The following NRXN3 variants were observed in gnomAD, a reference collection of about 807,000 sequenced individuals.
The protein encoded by NRXN3 is neurexin III.
NRXN3 carries 32 observed loss-of-function variants against 137.6 expected under a neutral mutation model. That is an observed-to-expected ratio of 0.23 (90% CI 0.18 to 0.31). The LOEUF (loss-of-function observed/expected upper bound fraction) is 0.31. NRXN3 is among the 10% of genes least tolerant of loss of function. The probability of loss-of-function intolerance (pLI) is 1.00; values close to 1 mark genes in which losing one functional copy is unlikely to be tolerated. For missense variants in NRXN3, 1,574 were observed against 2,062.5 expected, an observed-to-expected ratio of 0.76 and a Z score of 4.59; for synonymous variants, 798 against 784.5, an observed-to-expected ratio of 1.02 and a Z score of -0.29.
chr14:78,170,464 C>T lies in NRXN3; in HGVS notation c.-914C>T, dbSNP rs1033017474. 2 of 152,378 alleles carry T rather than the reference C, an allele frequency of 1.3e-5. No homozygotes were observed. Among genetic ancestry groups the T allele is most frequent in the East Asian group, 3.9e-4 (2 of 5,148 alleles). The allele number at this position is 152,378 out of a possible 1,614,324, so 9.4% of individuals were successfully genotyped here. A position where few individuals can be genotyped will look rare whatever the true frequency, so the allele number is the denominator to read the frequency against. ...AACCTGTCCTCCCCTCTCTCAGCCT[C>T]GGCATCTCCAGCCACCAAGGACCTG... On this transcript the variant is annotated 5_prime_UTR_variant, in exon 1 of 21. Transcript: ENST00000335750.
At chr14:79,348,763 G>A (rs2093039923) in intron 15 of NRXN3, among the ~76,000 whole-genome samples, 1 of 152,184 alleles carries the variant, frequency 6.6e-6, no homozygotes, top group African/African-American at 2.4e-5. Context: ...GGAAGTGATT[G>A]TAACTTTTGG....
intron 15 of NRXN3, among the ~76,000 whole-genome samples, chr14:79,415,624 T>C (rs2095485731): frequency 6.6e-6 from 1 of 152,124 alleles, no homozygotes; most frequent in South Asian, 2.1e-4. Context: ...TCTTAATGCA[T>C]TCATGTATGC....
chr14:78,971,546 T>A (rs1028679548), intron 14 of NRXN3, among the ~76,000 whole-genome samples: 2 of 152,114 alleles, frequency 1.3e-5, no homozygotes, highest in African/African-American at 4.8e-5. Flanking sequence ...AGGTAGTAAA[T>A]GTGTTACCTT....
intron 16 of NRXN3, among the ~76,000 whole-genome samples, chr14:79,545,294 C>G (rs143884422): frequency 6.6e-6 from 1 of 152,166 alleles, no homozygotes; most frequent in Non-Finnish European, 1.5e-5. Flanking sequence ...TGGGGCCTCT[C>G]GGGAACAATC....
chr14:78,280,901 T>C (rs2074319744), intron 3 of NRXN3, among the ~76,000 whole-genome samples: 1 of 152,198 alleles, frequency 6.6e-6, no homozygotes, highest in Non-Finnish European at 1.5e-5. Flanking sequence ...GTTATCCCTC[T>C]GAGGTGTGTA....
intron 15 of NRXN3, among the ~76,000 whole-genome samples, chr14:79,292,401 T>C (rs751326905): frequency 6.6e-6 from 1 of 152,194 alleles, no homozygotes; most frequent in African/African-American, 2.4e-5. Flanking sequence ...GAAGTTTCTT[T>C]TCCAGTAATT....
chr14:78,644,519 C>T (rs1233425131), intron 4 of NRXN3, among the ~76,000 whole-genome samples: 1 of 152,184 alleles, frequency 6.6e-6, no homozygotes, highest in Non-Finnish European at 1.5e-5. Flanking sequence ...TAATTCTCTT[C>T]CCCTCTCCTT....
At chr14:79,329,894 G>T (rs2091435344) in intron 15 of NRXN3, among the ~76,000 whole-genome samples, 1 of 150,674 alleles carries the variant, frequency 6.6e-6, no homozygotes, top group Admixed American at 6.6e-5. Context: ...AAGCTGGAGT[G>T]CAGTGGCATG....
chr14:79,671,220 T>C lies in NRXN3; in HGVS notation c.3616+7271T>C, dbSNP rs532172341. 3.3e-5 allele frequency among the ~76,000 whole-genome samples: 5 copies of C among 152,276 alleles called. No individual in the cohort carries two copies. In the South Asian group the frequency reaches 8.3e-4, roughly 25 times the overall value. On this transcript the variant is annotated intron_variant, in intron 17 of 20. Coordinates refer to ENST00000335750, the MANE Select transcript of NRXN3 (RefSeq NM_001330195.2). ...GAGTGTAGCTTAGTTTGGGAAATGC[T>C]GGTATTCAACCCAGAACCATCTGAC...
chr14:79,426,672 G>A (rs979786690), intron 15 of NRXN3, among the ~76,000 whole-genome samples: 9 of 152,200 alleles, frequency 5.9e-5, no homozygotes, highest in African/African-American at 2.2e-4. Context: ...AAATGTCATT[G>A]TTAATAAATT....
chr14:79,025,743 T>A (rs1353686624), intron 15 of NRXN3, among the ~76,000 whole-genome samples: 1 of 152,190 alleles, frequency 6.6e-6, no homozygotes, highest in Non-Finnish European at 1.5e-5. Flanking sequence ...GGGTGACTGT[T>A]CAGCTGAAAC....
At chr14:79,738,618 G>T (rs191409215) in intron 19 of NRXN3, among the ~76,000 whole-genome samples, 13 of 152,266 alleles carry the variant, frequency 8.5e-5, no homozygotes, top group African/African-American at 2.6e-4. Context: ...GAGTGCAGTG[G>T]TGCGATCTTG....
In NRXN3 at chr14:78,966,286, C is replaced by G; in HGVS notation, c.2657C>G (p.Thr886Ser). Residue 886 changes from threonine (T) to serine (S), a missense_variant, in exon 12 of 21, where the codon ACT becomes AGT. This residue lies in a region of NRXN3 where 718 missense variants were observed against 887.6 expected (regional missense o/e 0.81). Transcript: ENST00000335750. ...AAGAGCAGCTACCTGAGCCTTGCCA[C>G]TCTTCAGGCTTACACCTCCATGCAC... ...KTKSSYLSLATLQAYTSMHLF... is the reference protein window; with the variant it reads ...KTKSSYLSLASLQAYTSMHLF... The G allele has an allele frequency of 6.2e-7, 1 of 1,614,220 alleles. No individual in the cohort carries two copies. Among genetic ancestry groups the G allele is most frequent in the Non-Finnish European group, 8.5e-7 (1 of 1,180,026 alleles).
intron 14 of NRXN3, 42 bp downstream of exon 14, chr14:78,968,388 A>G (rs1203372210): frequency 5.0e-6 from 8 of 1,588,736 alleles, no homozygotes; most frequent in Middle Eastern, 1.7e-4. Context: ...GCCTTGTTGC[A>G]AGCACCAAGC....
chr14:78,734,752 A>G (rs1460096723), intron 8 of NRXN3, among the ~76,000 whole-genome samples: 1 of 152,190 alleles, frequency 6.6e-6, no homozygotes, highest in African/African-American at 2.4e-5. Flanking sequence ...GGTTGTTACA[A>G]AGCCCAATAG....
At chr14:78,467,804 A>T (rs780612839) in intron 4 of NRXN3, among the ~76,000 whole-genome samples, 34 of 152,330 alleles carry the variant, frequency 2.2e-4, no homozygotes, top group Non-Finnish European at 4.1e-4. Flanking sequence ...AATTTAGATC[A>T]CACAGACATA....
chr14:78,885,020 A>G (rs1226903773), intron 10 of NRXN3, among the ~76,000 whole-genome samples: 1 of 151,992 alleles, frequency 6.6e-6, no homozygotes, highest in Non-Finnish European at 1.5e-5. Context: ...ACTTAATCAG[A>G]TTATTTGACT....
At chr14:79,237,007 A>G (rs902683305) in intron 15 of NRXN3, among the ~76,000 whole-genome samples, 2 of 152,114 alleles carry the variant, frequency 1.3e-5, no homozygotes, top group African/African-American at 2.4e-5. Flanking sequence ...TGTTAAAAAA[A>G]TTCACTGCTT....
At chr14:78,345,388 A>G (rs1432724470) in intron 4 of NRXN3, among the ~76,000 whole-genome samples, 1 of 152,212 alleles carries the variant, frequency 6.6e-6, no homozygotes, top group Admixed American at 6.5e-5. Context: ...AAGTCCTACC[A>G]GGGAATGCTA....
Sources: allele counts gnomAD v4.1 joint callset (sites outside exome capture counted in the v4.1 genomes callset), GRCh38; gene constraint gnomAD v4.1.1; regional missense constraint gnomAD v4.1.1; transcripts MANE v1.5; gene names NCBI Gene and HGNC (gene_info 2026-07-23, HGNC 2026-07-21).